Variants in RCOR1 observed in about 807,000 individuals in gnomAD.
RCOR1 encodes the protein REST corepressor 1.
In RCOR1, 12 loss-of-function variants were observed where a neutral mutation model predicts 64.0. That is an observed-to-expected ratio of 0.19 (90% CI 0.12 to 0.30). RCOR1 has a LOEUF of 0.30. Among genes scored for constraint, RCOR1 ranks in the 10% least tolerant of loss-of-function variants. RCOR1 has a pLI of 1.00. For missense variants in RCOR1, 502 were observed against 621.2 expected (o/e 0.81, Z 2.04); for synonymous variants, 279 against 227.2 (o/e 1.23, Z -2.05).
intron 8 of RCOR1, among the ~76,000 whole-genome samples, chr14:102,715,763 TA>T (rs1268776256): frequency 1.3e-5 from 2 of 152,372 alleles, no homozygotes; most frequent in African/African-American, 4.8e-5. Context: ...TGGTACTGTT[TA>T]TTTTATGTCT....
intron 2 of RCOR1, among the ~76,000 whole-genome samples, chr14:102,612,982 A>G (rs1046810560): frequency 2.6e-5 from 4 of 151,936 alleles, no homozygotes; most frequent in Non-Finnish European, 5.9e-5. Context: ...AAGAAAAAAC[A>G]AATCTGACTA....
intron 2 of RCOR1, among the ~76,000 whole-genome samples, chr14:102,680,484 G>A (rs1214119582): frequency 1.3e-5 from 2 of 152,078 alleles, no homozygotes; most frequent in African/African-American, 4.8e-5. Flanking sequence ...GCATTGTTCT[G>A]AAGTCAGAAC....
rs578195278 is a variant in RCOR1, at chr14:102,601,874, C to T, written c.361+8549C>T. Among the ~76,000 whole-genome samples, 4 of 152,224 alleles carry T rather than the reference C, an allele frequency of 2.6e-5. No homozygotes were observed. The South Asian group carries it at 6.2e-4, about 24-fold the overall frequency. The stretch of plus-strand genomic sequence containing the variant: ...ACTCAAGGCTGTCAGAATTCCCATA[C>T]GTGTTTTTGTACTTAAATACATGTG... On this transcript the variant is annotated intron_variant, in intron 2 of 11. Coordinates refer to ENST00000262241, the MANE Select transcript of RCOR1 (RefSeq NM_015156.4).
intron 11 of RCOR1, 63 bp from the exon 12 acceptor site, chr14:102,726,405 A>T: frequency 1.4e-6 from 2 of 1,430,886 alleles, no homozygotes; most frequent in Admixed American, 1.9e-5. Flanking sequence ...CACTGGAAAT[A>T]GCAGCTTGTG....
At chr14:102,720,832 TAATA>T (rs1810094655) in intron 8 of RCOR1, 171 bp from the exon 9 acceptor site, 1 of 487,538 alleles carries the variant, frequency 2.1e-6, no homozygotes, top group Non-Finnish European at 3.6e-6. Flanking sequence ...AACAAGCAAA[TAATA>T]AACCTAGTTA....
At chr14:102,653,829 C>G (rs1894644325) in intron 2 of RCOR1, among the ~76,000 whole-genome samples, 1 of 151,922 alleles carries the variant, frequency 6.6e-6, no homozygotes, top group Non-Finnish European at 1.5e-5. Context: ...TGAGCAGATG[C>G]CAGCATCATG....
chr14:102,695,459 C>CT (rs1249723128), intron 3 of RCOR1: 6 of 152,236 alleles, frequency 3.9e-5, no homozygotes, highest in Non-Finnish European at 7.3e-5. Flanking sequence ...GTTCTTCTCT[C>CT]TTCCTGCTTC....
Position 102,730,226 on chromosome 14 carries a change from T to G in RCOR1, c.*3720T>G, listed in dbSNP as rs748649036. 1.3e-5 allele frequency: 5 copies of G among 389,908 alleles called. No individual in the cohort carries two copies. The highest frequency in any genetic ancestry group is 2.1e-5 in the African/African-American group (1 of 48,528). The allele number at this position is 389,908 out of a possible 1,614,324, so 24.2% of individuals were successfully genotyped here. On this transcript the variant is annotated 3_prime_UTR_variant, in exon 12 of 12. Transcript: ENST00000262241. Reference sequence around the variant, plus strand: ...GTGCTTTTTAGACAGCTTAAAAAATTTTCAAGATTTTAAAAGATGTATAAG... The same window carrying G: ...GTGCTTTTTAGACAGCTTAAAAAATGTTCAAGATTTTAAAAGATGTATAAG...
At chr14:102,724,417 C>G (rs1240684644) in intron 11 of RCOR1, among the ~76,000 whole-genome samples, 2 of 152,064 alleles carry the variant, frequency 1.3e-5, no homozygotes, top group African/African-American at 4.8e-5. Context: ...CTCCATCTCC[C>G]AGGTTCAAGT....
chr14:102,701,604 G>A (rs1277233271), intron 4 of RCOR1, among the ~76,000 whole-genome samples: 2 of 152,184 alleles, frequency 1.3e-5, no homozygotes, highest in East Asian at 3.8e-4. Flanking sequence ...GGATGCTTGA[G>A]CATAATGCTT....
At chr14:102,720,776 GCCCTCCGTC>G in intron 8 of RCOR1, 1 of 346,602 alleles carries the variant, frequency 2.9e-6, no homozygotes, top group Non-Finnish European at 5.2e-6. Flanking sequence ...GTACGTGAGA[GCCCTCCGTC>G]CCCTCCTCCT....
intron 2 of RCOR1, among the ~76,000 whole-genome samples, chr14:102,615,951 A>G (rs963960225): frequency 7.9e-5 from 12 of 152,206 alleles, no homozygotes; most frequent in Non-Finnish European, 1.8e-4. Context: ...GCATCCTCTA[A>G]TTGAATTCAG....
At chr14:102,658,877 G>A (rs1453220312) in intron 2 of RCOR1, among the ~76,000 whole-genome samples, 1 of 152,168 alleles carries the variant, frequency 6.6e-6, no homozygotes, top group Non-Finnish European at 1.5e-5. Context: ...AGTGGTGGGA[G>A]GTGTAGTGCA....
chr14:102,677,967 G>C (rs1201736264), intron 2 of RCOR1, among the ~76,000 whole-genome samples: 1 of 151,816 alleles, frequency 6.6e-6, no homozygotes, highest in Non-Finnish European at 1.5e-5. Flanking sequence ...GGGAGGCCGA[G>C]GCTGGCGGAT....
intron 2 of RCOR1, among the ~76,000 whole-genome samples, chr14:102,649,397 GGT>G (rs1894540018): frequency 6.6e-6 from 1 of 152,136 alleles, no homozygotes; most frequent in African/African-American, 2.4e-5. Flanking sequence ...ATGCATTTTG[GGT>G]ACCAGCCCCT....
At chr14:102,726,435 T>C in intron 11 of RCOR1, 33 bp from the exon 12 acceptor site, 1 of 1,538,504 alleles carries the variant, frequency 6.5e-7, no homozygotes, top group Non-Finnish European at 8.8e-7. Flanking sequence ...TACTCTTTGA[T>C]CCTTTTTTTT....
chr14:102,683,926 C>T (rs12895594), intron 3 of RCOR1, among the ~76,000 whole-genome samples: 100 of 152,216 alleles, frequency 6.6e-4, no homozygotes, highest in Non-Finnish European at 1.3e-3. Context: ...GAGCAGCAGC[C>T]GAGGTGGGGC....
intron 2 of RCOR1, among the ~76,000 whole-genome samples, chr14:102,651,754 A>G (rs138992714): frequency 6.6e-6 from 1 of 152,256 alleles, no homozygotes; most frequent in Non-Finnish European, 1.5e-5. Flanking sequence ...TTCCCAGGCT[A>G]GAGTACAGTG....
chr14:102,704,994 T>C (rs1353671385), intron 4 of RCOR1, among the ~76,000 whole-genome samples: 1 of 152,022 alleles, frequency 6.6e-6, no homozygotes, highest in East Asian at 1.9e-4. Flanking sequence ...AACATGGTAG[T>C]GTGTGCCTGT....
Sources: allele counts gnomAD v4.1 joint callset (sites outside exome capture counted in the v4.1 genomes callset), GRCh38; gene constraint gnomAD v4.1.1; transcripts MANE v1.5; gene names NCBI Gene and HGNC (gene_info 2026-07-23, HGNC 2026-07-21).